Variants in CTNNA3 observed in about 807,000 individuals in gnomAD.
CTNNA3 encodes catenin alpha 3.
A neutral mutation model predicts 95.7 loss-of-function variants in CTNNA3; 76 were observed. That is an observed-to-expected ratio of 0.79 (90% CI 0.66 to 0.96). The LOEUF is 0.96. Among genes scored for constraint, CTNNA3 ranks in the 40% least tolerant of loss-of-function variants. The pLI, the probability that CTNNA3 is intolerant of heterozygous loss-of-function variation, is 0.00. For missense variants in CTNNA3, 1,191 were observed against 1,089.8 expected, an observed-to-expected ratio of 1.09 and a Z score of -1.31; for synonymous variants, 431 against 374.4, an observed-to-expected ratio of 1.15 and a Z score of -1.74.
At chr10:66,910,571 G>T (rs1016857329) in intron 7 of CTNNA3, among the ~76,000 whole-genome samples, 4 of 152,168 alleles carry the variant, frequency 2.6e-5, no homozygotes, top group African/African-American at 9.7e-5. Context: ...AGAATGAACT[G>T]ATTTTCAGTA....
chr10:66,087,040 C>T (rs2081010946), intron 14 of CTNNA3, among the ~76,000 whole-genome samples: 1 of 152,038 alleles, frequency 6.6e-6, no homozygotes, highest in Non-Finnish European at 1.5e-5. Flanking sequence ...TAGGTACATC[C>T]AACATGGTGA....
At chr10:66,330,132 T>C (rs576223648) in intron 12 of CTNNA3, among the ~76,000 whole-genome samples, 2 of 152,132 alleles carry the variant, frequency 1.3e-5, no homozygotes, top group East Asian at 3.9e-4. Flanking sequence ...GTTTGTTACA[T>C]ATGTATACTT....
In CTNNA3 at chr10:67,564,715, A is replaced by ATATG. The variant is rs1564744607; in HGVS notation, c.293-25047_293-25046insCATA. 1.1e-3 allele frequency among the ~76,000 whole-genome samples: 98 copies of ATATG among 86,344 alleles called. 1 individual carries two copies. The highest frequency in any genetic ancestry group is 3.8e-3 in the African/African-American group (93 of 24,374). The allele number at this position is 86,344 out of a possible 152,430, so 56.6% of individuals were successfully genotyped here. On this transcript the variant is annotated intron_variant, in intron 3 of 17. Transcript: ENST00000433211. The stretch of plus-strand genomic sequence containing the variant: ...TATATATATATATATATATATATAT[A>ATATG]TATCACTATGATCAGGTGGGTTTTA...
chr10:67,653,683 A>G (rs1839940258), intron 1 of CTNNA3, among the ~76,000 whole-genome samples: 1 of 152,120 alleles, frequency 6.6e-6, no homozygotes, highest in African/African-American at 2.4e-5. Flanking sequence ...CTTCTCTTAA[A>G]GTCTAGGAGG....
At chr10:66,438,270 C>A (rs1370741229) in intron 11 of CTNNA3, among the ~76,000 whole-genome samples, 2 of 152,192 alleles carry the variant, frequency 1.3e-5, no homozygotes, top group Admixed American at 1.3e-4. Flanking sequence ...TAGACAGAAA[C>A]GTTTAAGTCT....
chr10:66,591,841 G>GA (rs1448100158), intron 10 of CTNNA3, among the ~76,000 whole-genome samples: 1 of 151,658 alleles, frequency 6.6e-6, no homozygotes, highest in African/African-American at 2.4e-5. Context: ...TAATACACAG[G>GA]AAAAAAATCT....
At chr10:66,010,978 T>C (rs1014601262) in intron 15 of CTNNA3, among the ~76,000 whole-genome samples, 1 of 152,200 alleles carries the variant, frequency 6.6e-6, no homozygotes, top group South Asian at 2.1e-4. Flanking sequence ...ACTTTAGCAA[T>C]GAATAGGTTA....
chr10:65,932,344 A>C (rs1236027499), intron 17 of CTNNA3, among the ~76,000 whole-genome samples: 1 of 152,234 alleles, frequency 6.6e-6, no homozygotes. Flanking sequence ...ATCAATTGTT[A>C]TTGCAAAAAC....
intron 12 of CTNNA3, among the ~76,000 whole-genome samples, chr10:66,350,149 C>T (rs1393564260): frequency 6.6e-6 from 1 of 151,954 alleles, no homozygotes; most frequent in Non-Finnish European, 1.5e-5. Flanking sequence ...AATCTGCTGC[C>T]CAAGTTAACT....
At chr10:66,344,975 T>C (rs1334546011) in intron 12 of CTNNA3, among the ~76,000 whole-genome samples, 1 of 152,064 alleles carries the variant, frequency 6.6e-6, no homozygotes, top group Non-Finnish European at 1.5e-5. Context: ...TTTAATTTAA[T>C]AATTAAGGAA....
At chr10:67,431,008 A>C (rs533436951) in intron 5 of CTNNA3, among the ~76,000 whole-genome samples, 1 of 152,088 alleles carries the variant, frequency 6.6e-6, no homozygotes, top group South Asian at 2.1e-4. Context: ...GAAACTTCAG[A>C]TAGCTCCTTA....
chr10:66,202,550 C>G (rs781286093), intron 13 of CTNNA3, among the ~76,000 whole-genome samples: 1 of 152,200 alleles, frequency 6.6e-6, no homozygotes, highest in African/African-American at 2.4e-5. Flanking sequence ...TCGTTCTTTG[C>G]TCAATTAAAC....
chr10:66,276,195 G>A (rs2132145974), intron 13 of CTNNA3, among the ~76,000 whole-genome samples: 1 of 151,586 alleles, frequency 6.6e-6, no homozygotes, highest in African/African-American at 2.4e-5. Context: ...ATGCAAACTT[G>A]AGTTATGGAC....
chr10:67,084,765 G>C (rs1037457709), intron 7 of CTNNA3, among the ~76,000 whole-genome samples: 5 of 151,834 alleles, frequency 3.3e-5, no homozygotes, highest in Admixed American at 3.3e-4. Context: ...CATAGAGAAG[G>C]CTGTATCGCA....
intron 5 of CTNNA3, among the ~76,000 whole-genome samples, chr10:67,480,732 T>C (rs1324239597): frequency 1.3e-5 from 2 of 152,206 alleles, no homozygotes; most frequent in Non-Finnish European, 2.9e-5. Flanking sequence ...GGTCAAACTC[T>C]GTTTGAGGCT....
At chr10:66,319,761 TA>T (rs2132284682) in intron 12 of CTNNA3, among the ~76,000 whole-genome samples, 1 of 152,164 alleles carries the variant, frequency 6.6e-6, no homozygotes, top group Admixed American at 6.5e-5. Flanking sequence ...TGTAACTGGA[TA>T]AAAGAAAACA....
intron 11 of CTNNA3, among the ~76,000 whole-genome samples, chr10:66,514,356 T>C (rs1840765417): frequency 6.6e-6 from 1 of 152,090 alleles, no homozygotes; most frequent in South Asian, 2.1e-4. Flanking sequence ...TTACTTGAAC[T>C]GGCGTAGTAG....
intron 5 of CTNNA3, among the ~76,000 whole-genome samples, chr10:67,417,777 T>C (rs750429016): frequency 2.0e-5 from 3 of 152,174 alleles, no homozygotes; most frequent in Non-Finnish European, 4.4e-5. Flanking sequence ...GAGGAAAATA[T>C]GTTAAATTTT....
At chr10:66,782,838 GTTA>G (rs1840594812) in intron 7 of CTNNA3, among the ~76,000 whole-genome samples, 1 of 152,034 alleles carries the variant, frequency 6.6e-6, no homozygotes, top group South Asian at 2.1e-4. Context: ...AAAGACTGCT[GTTA>G]TTATTACCTA....
Sources: allele counts gnomAD v4.1 joint callset (sites outside exome capture counted in the v4.1 genomes callset), GRCh38; gene constraint gnomAD v4.1.1; transcripts MANE v1.5; gene names NCBI Gene and HGNC (gene_info 2026-07-23, HGNC 2026-07-21).